AKAP19: variants seen among roughly 807,000 people sequenced by gnomAD.
AKAP19 encodes the protein small A-kinase anchoring protein.
chr2:190,145,039 C>CT, the AKAP19 span, among the ~76,000 whole-genome samples: 36 of 152,166 alleles, frequency 2.4e-4, no homozygotes, highest in Non-Finnish European at 5.9e-5. Context: ...CATCCCAGCA[C>CT]TTTGAGAGGC....
At chr2:190,150,797 T>C in the AKAP19 span, among the ~76,000 whole-genome samples, 1 of 151,606 alleles carries the variant, frequency 6.6e-6, no homozygotes, top group East Asian at 1.9e-4. Flanking sequence ...TCCTTTTTTC[T>C]ACTCCCACCA....
chr2:189,899,092 C>T, the AKAP19 span, among the ~76,000 whole-genome samples: 1 of 151,956 alleles, frequency 6.6e-6, no homozygotes, highest in Non-Finnish European at 1.5e-5. Flanking sequence ...CCAATTTCCA[C>T]CTACCTAATC....
the AKAP19 span, among the ~76,000 whole-genome samples, chr2:190,094,651 C>G: frequency 6.6e-6 from 1 of 152,150 alleles, no homozygotes; most frequent in Non-Finnish European, 1.5e-5. Context: ...GGATGTTTTC[C>G]TGCCGGCAAA....
the AKAP19 span, among the ~76,000 whole-genome samples, chr2:190,049,092 T>TA: frequency 0.014 from 2,099 of 152,204 alleles, 18 homozygotes; most frequent in Non-Finnish European, 0.021. Flanking sequence ...AATTCTGCAT[T>TA]AAAAACGCAA....
the AKAP19 span, among the ~76,000 whole-genome samples, chr2:189,998,976 T>A: frequency 6.6e-6 from 1 of 151,962 alleles, no homozygotes; most frequent in Non-Finnish European, 1.5e-5. Context: ...TTTACCATGT[T>A]GGCTAGGCTG....
At chr2:189,979,855 A>T in the AKAP19 span, among the ~76,000 whole-genome samples, 2 of 152,230 alleles carry the variant, frequency 1.3e-5, no homozygotes, top group Admixed American at 1.3e-4. Flanking sequence ...AACACAAATT[A>T]AAAGTATGAT....
chr2:190,129,071 G>C, the AKAP19 span, among the ~76,000 whole-genome samples: 1 of 152,166 alleles, frequency 6.6e-6, no homozygotes. Context: ...ATATATTTCA[G>C]TTTCTTAGAA....
chr2:190,143,516 C>T, the AKAP19 span, among the ~76,000 whole-genome samples: 1 of 152,098 alleles, frequency 6.6e-6, no homozygotes, highest in African/African-American at 2.4e-5. Flanking sequence ...GCCTTATCAT[C>T]ATATGTTTAT....
At chr2:189,970,860 A>T in the AKAP19 span, among the ~76,000 whole-genome samples, 10 of 152,224 alleles carry the variant, frequency 6.6e-5, no homozygotes, top group Non-Finnish European at 1.3e-4. Context: ...AGACATTTAC[A>T]AATTTGTCAT....
At chr2:190,159,735 A>G in the AKAP19 span, among the ~76,000 whole-genome samples, 1 of 152,216 alleles carries the variant, frequency 6.6e-6, no homozygotes, top group Non-Finnish European at 1.5e-5. Flanking sequence ...AAAAGGCTGA[A>G]TTCATTGACT....
At chr2:189,999,063 C>T in the AKAP19 span, among the ~76,000 whole-genome samples, 3 of 152,016 alleles carry the variant, frequency 2.0e-5, no homozygotes, top group African/African-American at 7.2e-5. Flanking sequence ...TAAGCCACCA[C>T]ACCCAGCCTA....
the AKAP19 span, among the ~76,000 whole-genome samples, chr2:190,118,968 T>C: frequency 0.048 from 7,327 of 152,272 alleles, 597 homozygotes; most frequent in African/African-American, 0.17. Context: ...TCTAGAAAAC[T>C]CCATTGTCTC....
At chr2:190,160,508 C>A in the AKAP19 span, among the ~76,000 whole-genome samples, 2 of 152,036 alleles carry the variant, frequency 1.3e-5, no homozygotes. Context: ...TTTATTTTCT[C>A]CCATGAGGTT....
chr2:190,149,912 G>A, the AKAP19 span, among the ~76,000 whole-genome samples: 11 of 152,030 alleles, frequency 7.2e-5, no homozygotes, highest in Non-Finnish European at 1.3e-4. Context: ...GCTGTCAGTG[G>A]AGTATTGAAA....
the AKAP19 span, among the ~76,000 whole-genome samples, chr2:189,994,343 G>A: frequency 1.3e-5 from 2 of 151,602 alleles, no homozygotes; most frequent in Non-Finnish European, 2.9e-5. Flanking sequence ...GTTCTGCTTG[G>A]TTTGGGTTTG....
At chr2:190,060,090 G>T in the AKAP19 span, 17 of 1,612,432 alleles carry the variant, frequency 1.1e-5, no homozygotes, top group Admixed American at 1.7e-5. Context: ...TCCTGGGAAG[G>T]TTACAGCAAG....
At chr2:189,932,617 ATTG>A in the AKAP19 span, among the ~76,000 whole-genome samples, 2 of 150,712 alleles carry the variant, frequency 1.3e-5, no homozygotes, top group Non-Finnish European at 2.9e-5. Context: ...AGGCAGAAGG[ATTG>A]CTTGAACCTG....
At chr2:189,951,757 G>C in the AKAP19 span, among the ~76,000 whole-genome samples, 1 of 152,322 alleles carries the variant, frequency 6.6e-6, no homozygotes, top group East Asian at 1.9e-4. Flanking sequence ...GCAAGTATAG[G>C]AGATCAGAAT....
the AKAP19 span, among the ~76,000 whole-genome samples, chr2:190,070,255 G>A: frequency 6.6e-6 from 1 of 151,648 alleles, no homozygotes; most frequent in Non-Finnish European, 1.5e-5. Context: ...CAGGTATTGG[G>A]GTCAGTGTTT....
Sources: allele counts gnomAD v4.1 joint callset (sites outside exome capture counted in the v4.1 genomes callset), GRCh38; gene constraint gnomAD v4.1.1; transcripts MANE v1.5; gene names NCBI Gene and HGNC (gene_info 2026-07-23, HGNC 2026-07-21).